ZNF540: variants seen among roughly 807,000 people sequenced by gnomAD.
ZNF540 encodes the protein zinc finger protein 540.
A neutral mutation model predicts 11.8 loss-of-function variants in ZNF540; 3 were observed. The ratio of observed to expected loss-of-function variants is 0.25; its 90% CI spans 0.12 to 0.65. ZNF540 has a LOEUF of 0.65. Among genes scored for constraint, ZNF540 ranks in the 30% least tolerant of loss-of-function variants. ZNF540 has a pLI of 0.83. For missense variants in ZNF540, 709 were observed against 793.1 expected (o/e 0.89, Z 1.27); for synonymous variants, 247 against 259.0 (o/e 0.95, Z 0.45).
intron 1 of ZNF540, among the ~76,000 whole-genome samples, chr19:37,562,031 C>G (rs17244769): frequency 0.27 from 40,515 of 152,088 alleles, 6,444 homozygotes; most frequent in Non-Finnish European, 0.37. Flanking sequence ...TAATCATACA[C>G]TATATACAAT....
rs1360832640 is a variant in ZNF540, at chr19:37,568,068, GA to G, written c.-73+16406del. On this transcript the variant is annotated intron_variant, in intron 1 of 4. Coordinates refer to the ZNF540 transcript ENST00000592533. Reference sequence around the variant, plus strand: ...AATAAAGATCTTATATTATTCCGAAGAAAGAAGTTGAGAAACAAGTGTACTT... The same window carrying G: ...AATAAAGATCTTATATTATTCCGAAGAAGAAGTTGAGAAACAAGTGTACTT... Among the ~76,000 whole-genome samples the G allele has an allele frequency of 5.9e-5, 9 of 152,260 alleles. No homozygotes were observed. The East Asian group carries it at 1.7e-3, about 29-fold the overall frequency.
intron 1 of ZNF540, among the ~76,000 whole-genome samples, chr19:37,580,120 A>G (rs2043398954): frequency 6.6e-6 from 1 of 152,236 alleles, no homozygotes; most frequent in South Asian, 2.1e-4. Context: ...CTATTCCAAC[A>G]GGAGTTAAAG....
chr19:37,588,099 C>CAAAAA (rs58516591), intron 1 of ZNF540, among the ~76,000 whole-genome samples: 628 of 45,764 alleles, frequency 0.014, 61 homozygotes, highest in Admixed American at 0.019. Flanking sequence ...GACTCCATCT[C>CAAAAA]AAAAAAAAAA....
chr19:37,553,113 C>CTTTTTTTTTT lies in ZNF540; in HGVS notation c.-73+1477_-73+1486dup, dbSNP rs746114598. Among the ~76,000 whole-genome samples the CTTTTTTTTTT allele has an allele frequency of 3.9e-4, 13 of 33,130 alleles. 4 individuals are homozygous for CTTTTTTTTTT. The highest frequency in any genetic ancestry group is 1.5e-3 in the East Asian group (2 of 1,344). The allele number at this position is 33,130 out of a possible 152,430, so 21.7% of individuals were successfully genotyped here. On this transcript the variant is annotated intron_variant, in intron 1 of 4. Transcript: ENST00000592533. ...AATCTTTTTTTATATAACCTAACAT[C>CTTTTTTTTTT]TTTTTTTTTTTTTTTTTTTTTTTTT... is the stretch of plus-strand genomic sequence containing the variant.
chr19:37,555,752 A>G (rs757930548), intron 1 of ZNF540: 2 of 616,664 alleles, frequency 3.2e-6, no homozygotes, highest in Non-Finnish European at 5.8e-6. Flanking sequence ...CATAGTCCCA[A>G]CATCAAATCC....
chr19:37,591,564 G>C (rs2043868036), upstream of ZNF540, among the ~76,000 whole-genome samples: 1 of 152,154 alleles, frequency 6.6e-6, no homozygotes, highest in African/African-American at 2.4e-5. Flanking sequence ...TTTATCTTGA[G>C]ATGGAGTTTC....
intron 1 of ZNF540, among the ~76,000 whole-genome samples, chr19:37,552,735 G>A (rs1325225860): frequency 1.3e-5 from 2 of 152,150 alleles, no homozygotes; most frequent in Admixed American, 6.5e-5. Flanking sequence ...ATCACTTGGA[G>A]TCAGGAGTTT....
intron 1 of ZNF540, chr19:37,565,091 G>A: frequency 1.2e-6 from 2 of 1,613,092 alleles, no homozygotes; most frequent in Non-Finnish European, 1.7e-6. Flanking sequence ...ACATTCAAAG[G>A]GTTTCTCACC....
intron 2 of ZNF540, 81 bp from the exon 3 acceptor site, chr19:37,599,545 T>G: frequency 6.3e-7 from 1 of 1,575,468 alleles, no homozygotes; most frequent in East Asian, 2.2e-5. Context: ...CTTGCTGCAA[T>G]GAAACCTTTT....
chr19:37,562,496 C>A (rs962789692), intron 1 of ZNF540: 4 of 152,062 alleles, frequency 2.6e-5, no homozygotes, highest in African/African-American at 9.7e-5. Flanking sequence ...GCTTTGTATA[C>A]AGTAACTCAA....
intron 4 of ZNF540, chr19:37,601,306 T>C (rs1298564625): frequency 6.6e-6 from 3 of 456,548 alleles, no homozygotes; most frequent in African/African-American, 4.0e-5. Flanking sequence ...GGCTCCTACT[T>C]ACCACCTGTC....
chr19:37,579,426 A>G (rs2043366268), intron 1 of ZNF540, among the ~76,000 whole-genome samples: 1 of 152,192 alleles, frequency 6.6e-6, no homozygotes, highest in Non-Finnish European at 1.5e-5. Flanking sequence ...CTGTGGAGGA[A>G]GCCCCTTCTA....
chr19:37,591,144 T>C (rs764197822), upstream of ZNF540, among the ~76,000 whole-genome samples: 30 of 152,302 alleles, frequency 2.0e-4, no homozygotes, highest in Non-Finnish European at 3.8e-4. Flanking sequence ...ACGACAGCCT[T>C]ATGGCAATGA....
At chr19:37,602,866 C>T (rs1400768711) in intron 4 of ZNF540, among the ~76,000 whole-genome samples, 1 of 152,082 alleles carries the variant, frequency 6.6e-6, no homozygotes, top group African/African-American at 2.4e-5. Context: ...TGAAAAAAGC[C>T]TGCTAGATGT....
At chr19:37,579,794 C>T (rs1401463747) in intron 1 of ZNF540, among the ~76,000 whole-genome samples, 5 of 152,198 alleles carry the variant, frequency 3.3e-5, no homozygotes, top group Non-Finnish European at 1.5e-5. Flanking sequence ...CAACCAGCAT[C>T]ACCATACTAC....
At chr19:37,593,957 G>A (rs1373710460), upstream of ZNF540, 1 of 152,120 alleles carries the variant, frequency 6.6e-6, no homozygotes, top group African/African-American at 2.4e-5. Context: ...CTTCACACAA[G>A]ACTTTCAGAA....
At chr19:37,574,258 T>G (rs1208311948) in intron 1 of ZNF540, among the ~76,000 whole-genome samples, 1 of 152,196 alleles carries the variant, frequency 6.6e-6, no homozygotes, top group Non-Finnish European at 1.5e-5. Flanking sequence ...CCTGAGCCCT[T>G]TAAATCATGC....
intron 1 of ZNF540, chr19:37,575,870 A>T (rs2147177338): frequency 6.6e-6 from 1 of 152,354 alleles, no homozygotes; most frequent in Admixed American, 6.5e-5. Context: ...TAATTACTCC[A>T]TGTTCGGTGG....
At chr19:37,592,283 A>G (rs896978062), upstream of ZNF540, among the ~76,000 whole-genome samples, 5 of 152,194 alleles carry the variant, frequency 3.3e-5, no homozygotes, top group African/African-American at 1.2e-4. Context: ...GGTATCAATC[A>G]TAAGTGGACG....
Sources: gnomAD v4.1 joint callset for allele counts (sites outside exome capture counted in the v4.1 genomes callset) on GRCh38, gnomAD v4.1.1 for gene constraint, MANE v1.5 for transcripts, NCBI Gene and HGNC (gene_info 2026-07-23, HGNC 2026-07-21) for gene names.